Variants in NTM observed in about 807,000 individuals in gnomAD.
NTM encodes neurotrimin.
NTM carries 13 observed loss-of-function variants against 42.1 expected under a neutral mutation model. The ratio of observed to expected loss-of-function variants is 0.31; its 90% CI spans 0.20 to 0.49. The LOEUF (loss-of-function observed/expected upper bound fraction) is 0.49. Ranked by LOEUF, NTM falls within the 20% of genes least tolerant of loss-of-function variation. The pLI is 0.99. For missense variants in NTM, 373 were observed against 452.8 expected, an observed-to-expected ratio of 0.82 and a Z score of 1.60; for synonymous variants, 187 against 179.2, an observed-to-expected ratio of 1.04 and a Z score of -0.35.
intron 1 of NTM, among the ~76,000 whole-genome samples, chr11:131,496,560 G>T (rs950658176): frequency 6.6e-6 from 1 of 152,182 alleles, no homozygotes; most frequent in African/African-American, 2.4e-5. Context: ...TTGCTCCCCC[G>T]AAGGGTCCAC....
intron 1 of NTM, among the ~76,000 whole-genome samples, chr11:131,602,059 C>T (rs2060533731): frequency 6.6e-6 from 1 of 152,158 alleles, no homozygotes; most frequent in Admixed American, 6.5e-5. Context: ...CTAAATATCT[C>T]TCTAGTTTAT....
intron 1 of NTM, among the ~76,000 whole-genome samples, chr11:131,892,087 T>C (rs1018546373): frequency 1.3e-5 from 2 of 152,160 alleles, no homozygotes; most frequent in South Asian, 2.1e-4. Context: ...CATTCCACTA[T>C]GGGAACTTTG....
At chr11:131,957,200 T>G (rs1374719519) in intron 2 of NTM, among the ~76,000 whole-genome samples, 1 of 152,228 alleles carries the variant, frequency 6.6e-6, no homozygotes, top group Non-Finnish European at 1.5e-5. Flanking sequence ...TTCACAAAAT[T>G]GTCCTGAGGA....
chr11:131,904,852 T>TG (rs1565704196), intron 1 of NTM, among the ~76,000 whole-genome samples: 2 of 152,012 alleles, frequency 1.3e-5, no homozygotes, highest in African/African-American at 2.4e-5. Context: ...GGGTGGGAGC[T>TG]GGGGGGCCAC....
intron 1 of NTM, among the ~76,000 whole-genome samples, chr11:131,520,019 C>T (rs534025343): frequency 6.6e-6 from 1 of 152,090 alleles, no homozygotes; most frequent in East Asian, 1.9e-4. Context: ...TCTTTACTTT[C>T]AGGTCTTCAT....
intron 1 of NTM, among the ~76,000 whole-genome samples, chr11:131,439,816 C>G (rs1458345974): frequency 2.0e-5 from 3 of 152,152 alleles, no homozygotes; most frequent in Non-Finnish European, 4.4e-5. Flanking sequence ...TGGGCTGCAC[C>G]CACTGTCCAA....
intron 2 of NTM, among the ~76,000 whole-genome samples, chr11:132,142,092 C>T (rs567452923): frequency 2.1e-4 from 32 of 152,236 alleles, no homozygotes; most frequent in Non-Finnish European, 3.7e-4. Context: ...AGGATGCCAG[C>T]GGTGGGAGGG....
At position 132,183,592 on chromosome 11, in the gene NTM, C is replaced by T. The variant is rs1052768595; in HGVS notation, c.401-28430C>T. Among the ~76,000 whole-genome samples, 9 of 151,636 alleles carry T rather than the reference C, an allele frequency of 5.9e-5. No homozygotes were observed. The East Asian group carries it at 7.9e-4, about 13-fold the overall frequency. On this transcript the variant is annotated intron_variant, in intron 3 of 8. Transcript: ENST00000683400. ...CAGCAAGGTATTCTAAAACAGAAAT[C>T]GCTACTCCCTTTGACAACACAAGTG...
At chr11:132,138,411 G>C (rs948350630) in intron 2 of NTM, among the ~76,000 whole-genome samples, 1 of 152,170 alleles carries the variant, frequency 6.6e-6, no homozygotes, top group Non-Finnish European at 1.5e-5. Context: ...ATAAGGAAGG[G>C]CATTCCAAAT....
chr11:132,149,053 C>G (rs2071247470), intron 3 of NTM, among the ~76,000 whole-genome samples: 1 of 151,984 alleles, frequency 6.6e-6, no homozygotes, highest in South Asian at 2.1e-4. Flanking sequence ...CAGACTCAGC[C>G]CAAGCTAATC....
At chr11:131,762,476 G>C (rs995743673) in intron 1 of NTM, among the ~76,000 whole-genome samples, 2 of 152,188 alleles carry the variant, frequency 1.3e-5, no homozygotes, top group Non-Finnish European at 2.9e-5. Flanking sequence ...GGGCAGTGTG[G>C]GCTGCATGCA....
At chr11:131,535,216 T>G (rs556992207) in intron 1 of NTM, 1 of 152,312 alleles carries the variant, frequency 6.6e-6, no homozygotes, top group African/African-American at 2.4e-5. Context: ...TTGCCTACTG[T>G]GAGTCAGGTG....
chr11:131,395,760 TG>T (rs1279476303), intron 1 of NTM, among the ~76,000 whole-genome samples: 2 of 152,086 alleles, frequency 1.3e-5, no homozygotes, highest in Admixed American at 1.3e-4. Context: ...AATGGCGTGG[TG>T]GGGTTGATGA....
chr11:131,974,303 A>G (rs1484838040), intron 2 of NTM, among the ~76,000 whole-genome samples: 1 of 152,202 alleles, frequency 6.6e-6, no homozygotes, highest in Non-Finnish European at 1.5e-5. Flanking sequence ...GAATGAATGA[A>G]TGAATTGTGT....
chr11:131,951,641 G>A (rs971642731), intron 2 of NTM, among the ~76,000 whole-genome samples: 1 of 152,040 alleles, frequency 6.6e-6, no homozygotes, highest in Non-Finnish European at 1.5e-5. Flanking sequence ...GACCAATATG[G>A]TGAAACCCCG....
At chr11:132,307,846 G>T (rs2305270) in intron 5 of NTM, 23 bp downstream of exon 5, 356,609 of 1,609,222 alleles carry the variant, frequency 0.22, 42,636 homozygotes, top group Non-Finnish European at 0.24. Context: ...ACCACCACGC[G>T]CCCTGCACGT....
chr11:132,006,627 T>A (rs1257826756), intron 2 of NTM, among the ~76,000 whole-genome samples: 4 of 152,254 alleles, frequency 2.6e-5, no homozygotes, highest in Non-Finnish European at 5.9e-5. Flanking sequence ...GCACCTATTC[T>A]AAATTCAGGA....
intron 4 of NTM, among the ~76,000 whole-genome samples, chr11:132,231,282 A>G (rs80183121): frequency 2.0e-3 from 299 of 152,338 alleles, no homozygotes; most frequent in Non-Finnish European, 3.4e-3. Flanking sequence ...ACCTGTTGGT[A>G]CAAGGGCTAC....
At chr11:131,960,369 T>C (rs150642983) in intron 2 of NTM, among the ~76,000 whole-genome samples, 7 of 152,306 alleles carry the variant, frequency 4.6e-5, no homozygotes, top group Non-Finnish European at 8.8e-5. Flanking sequence ...GTCTAACCCC[T>C]GTTTTTGAGG....
Sources: allele counts gnomAD v4.1 joint callset (sites outside exome capture counted in the v4.1 genomes callset), GRCh38; gene constraint gnomAD v4.1.1; transcripts MANE v1.5; gene names NCBI Gene and HGNC (gene_info 2026-07-23, HGNC 2026-07-21).